The following LRRIQ3 variants were observed in gnomAD, a reference collection of about 807,000 sequenced individuals.
LRRIQ3 encodes the protein leucine-rich repeat and IQ domain-containing protein 3.
Under a neutral mutation model 59.3 loss-of-function variants are expected in LRRIQ3, and 75 were observed. That is an observed-to-expected ratio of 1.26 (90% CI 1.05 to 1.53). LRRIQ3 has a LOEUF of 1.53. Ranked by LOEUF, LRRIQ3 falls within the 40% of genes most tolerant of loss-of-function variation. The probability of loss-of-function intolerance (pLI) is 0.00; values close to 1 mark genes in which losing one functional copy is unlikely to be tolerated. For missense variants in LRRIQ3, 831 were observed against 710.0 expected (o/e 1.17, Z -1.94); for synonymous variants, 250 against 231.3 (o/e 1.08, Z -0.73).
At chr1:74,125,072 T>C (rs551949477) in intron 4 of LRRIQ3, among the ~76,000 whole-genome samples, 9 of 152,044 alleles carry the variant, frequency 5.9e-5, no homozygotes, top group Middle Eastern at 3.4e-3. Context: ...GATTGCTCAC[T>C]TCTTTGGTTA....
At chr1:74,091,878 C>T (rs1306881987) in intron 5 of LRRIQ3, among the ~76,000 whole-genome samples, 1 of 152,040 alleles carries the variant, frequency 6.6e-6, no homozygotes, top group Non-Finnish European at 1.5e-5. Flanking sequence ...GCAGCAAAGA[C>T]TTATATTTGT....
intron 4 of LRRIQ3, among the ~76,000 whole-genome samples, chr1:74,118,303 G>GT (rs1236418247): frequency 2.0e-5 from 3 of 151,894 alleles, no homozygotes; most frequent in Admixed American, 6.6e-5. Context: ...TTTTGCCCTT[G>GT]TTTTTTGCAA....
rs545108014 is a variant in LRRIQ3, at chr1:74,173,496, T to G, written c.573+9042A>C. On this transcript the variant is annotated intron_variant, in intron 3 of 7. Coordinates refer to ENST00000354431, the MANE Select transcript of LRRIQ3 (RefSeq NM_001105659.2). Reference sequence around the variant, plus strand: ...TTATACTGCTATGCTTTGATGCTATTTTATCTTTTGTGTATCTACCATAGG... The same window carrying G: ...TTATACTGCTATGCTTTGATGCTATGTTATCTTTTGTGTATCTACCATAGG... Among the ~76,000 whole-genome samples the G allele has an allele frequency of 2.6e-5, 4 of 152,028 alleles. No individual in the cohort carries two copies. The South Asian group carries it at 6.2e-4, about 24-fold the overall frequency.
At chr1:74,143,417 T>C (rs1647355556) in intron 4 of LRRIQ3, among the ~76,000 whole-genome samples, 1 of 151,968 alleles carries the variant, frequency 6.6e-6, no homozygotes, top group African/African-American at 2.4e-5. Context: ...TTGCCTTGAA[T>C]CTGTACTTTG....
intron 1 of LRRIQ3, among the ~76,000 whole-genome samples, chr1:74,184,042 T>A (rs1319040234): frequency 6.6e-6 from 1 of 152,018 alleles, no homozygotes. Context: ...TTTATATAAC[T>A]CGTATGATAA....
intron 3 of LRRIQ3, among the ~76,000 whole-genome samples, chr1:74,158,025 C>T (rs1648443151): frequency 6.6e-6 from 1 of 152,116 alleles, no homozygotes; most frequent in Non-Finnish European, 1.5e-5. Flanking sequence ...ACCAGAAACC[C>T]TGGAACCATC....
intron 5 of LRRIQ3, among the ~76,000 whole-genome samples, chr1:74,103,733 G>C (rs1190772394): frequency 2.0e-5 from 3 of 151,502 alleles, no homozygotes; most frequent in Non-Finnish European, 4.4e-5. Flanking sequence ...ATGAGTAGTA[G>C]CTTCAATATT....
intron 1 of LRRIQ3, among the ~76,000 whole-genome samples, chr1:74,186,060 A>C (rs1253533266): frequency 6.7e-6 from 1 of 148,866 alleles, no homozygotes; most frequent in Non-Finnish European, 1.5e-5. Context: ...TATATATATA[A>C]TTATATTTAA....
intron 5 of LRRIQ3, among the ~76,000 whole-genome samples, chr1:74,092,279 C>T (rs1646402878): frequency 6.6e-6 from 1 of 152,148 alleles, no homozygotes; most frequent in Admixed American, 6.6e-5. Flanking sequence ...GACTGTATAC[C>T]TCTGGAGTTT....
chr1:74,114,341 A>C (rs947303322), intron 4 of LRRIQ3, among the ~76,000 whole-genome samples: 2 of 152,140 alleles, frequency 1.3e-5, no homozygotes, highest in Admixed American at 6.6e-5. Flanking sequence ...ATAGTACAAA[A>C]AGTGGGGAAA....
intron 4 of LRRIQ3, among the ~76,000 whole-genome samples, chr1:74,149,446 G>A (rs1476615805): frequency 6.6e-6 from 1 of 152,044 alleles, no homozygotes; most frequent in Non-Finnish European, 1.5e-5. Context: ...ATAAAAAATT[G>A]TAATTTTTGA....
At chr1:74,161,495 C>G (rs1648655741) in intron 3 of LRRIQ3, among the ~76,000 whole-genome samples, 3 of 151,888 alleles carry the variant, frequency 2.0e-5, no homozygotes, top group African/African-American at 7.3e-5. Flanking sequence ...ATGATGCCAC[C>G]TGTGGCTTAG....
At chr1:74,031,326 A>T (rs543407269) in intron 7 of LRRIQ3, among the ~76,000 whole-genome samples, 1 of 152,140 alleles carries the variant, frequency 6.6e-6, no homozygotes, top group Non-Finnish European at 1.5e-5. Context: ...TGTTTATTGC[A>T]GCACTATTCA....
At chr1:74,190,627 C>A (rs574190633) in intron 1 of LRRIQ3, among the ~76,000 whole-genome samples, 5 of 151,648 alleles carry the variant, frequency 3.3e-5, no homozygotes, top group African/African-American at 1.2e-4. Context: ...ACTCTAACAT[C>A]GGACACTAAG....
intron 6 of LRRIQ3, among the ~76,000 whole-genome samples, chr1:74,072,638 T>C (rs1196246316): frequency 1.3e-5 from 2 of 152,020 alleles, no homozygotes; most frequent in Non-Finnish European, 2.9e-5. Flanking sequence ...TGAGAGATGA[T>C]CCATATGGTG....
chr1:74,166,673 A>C (rs1413730127), intron 3 of LRRIQ3, among the ~76,000 whole-genome samples: 2 of 151,776 alleles, frequency 1.3e-5, no homozygotes, highest in African/African-American at 2.4e-5. Context: ...TAGTGCTATA[A>C]ATTTTCCTCT....
At chr1:74,094,039 G>T (rs1309785689) in intron 5 of LRRIQ3, among the ~76,000 whole-genome samples, 2 of 152,026 alleles carry the variant, frequency 1.3e-5, no homozygotes, top group Non-Finnish European at 2.9e-5. Context: ...AGCTTCTGAT[G>T]AGGGCTGTTA....
intron 3 of LRRIQ3, among the ~76,000 whole-genome samples, chr1:74,179,056 C>G (rs938727482): frequency 8.6e-5 from 13 of 151,994 alleles, no homozygotes; most frequent in African/African-American, 2.9e-4. Flanking sequence ...AAATAAAATC[C>G]TTGTTTAGAT....
At chr1:74,096,932 GC>G (rs1646457366) in intron 5 of LRRIQ3, among the ~76,000 whole-genome samples, 1 of 152,104 alleles carries the variant, frequency 6.6e-6, no homozygotes, top group African/African-American at 2.4e-5. Flanking sequence ...GGGGTACCCG[GC>G]TGTGTGGAGT....
Sources: allele counts gnomAD v4.1 joint callset (sites outside exome capture counted in the v4.1 genomes callset), GRCh38; gene constraint gnomAD v4.1.1; transcripts MANE v1.5; gene names NCBI Gene and HGNC (gene_info 2026-07-23, HGNC 2026-07-21).